CNTN1: variants seen among roughly 807,000 people sequenced by gnomAD.
CNTN1 encodes the protein contactin-1.
CNTN1 carries 38 observed loss-of-function variants against 126.4 expected under a neutral mutation model. The ratio of observed to expected loss-of-function variants is 0.30; its 90% CI spans 0.23 to 0.39. The LOEUF is 0.39. Ranked by LOEUF, CNTN1 falls within the 10% of genes least tolerant of loss-of-function variation. The probability of loss-of-function intolerance (pLI) is 1.00; values close to 1 mark genes in which losing one functional copy is unlikely to be tolerated. For missense variants in CNTN1, 1,009 were observed against 1,248.4 expected (o/e 0.81, Z 2.89); for synonymous variants, 413 against 422.6 (o/e 0.98, Z 0.28).
chr12:41,001,270 T>C (rs1271660766), intron 17 of CNTN1, among the ~76,000 whole-genome samples: 2 of 152,196 alleles, frequency 1.3e-5, no homozygotes, highest in Non-Finnish European at 2.9e-5. Context: ...GCATCTGTTA[T>C]TTTTTGACTT....
chr12:41,016,975 G>A (rs1434547649), intron 19 of CNTN1, 59 bp downstream of exon 19: 3 of 1,414,724 alleles, frequency 2.1e-6, no homozygotes, highest in East Asian at 2.3e-5. Context: ...TTCTCTAGCA[G>A]GCATTTAGTT....
At chr12:40,758,665 C>T (rs945703418) in intron 1 of CNTN1, among the ~76,000 whole-genome samples, 10 of 152,026 alleles carry the variant, frequency 6.6e-5, no homozygotes, top group African/African-American at 2.4e-4. Context: ...TGAACTGCTA[C>T]ACATACATAA....
intron 17 of CNTN1, among the ~76,000 whole-genome samples, chr12:41,013,325 C>G (rs933395377): frequency 1.2e-4 from 19 of 152,074 alleles, no homozygotes; most frequent in Non-Finnish European, 2.9e-5. Context: ...CGGCATTCAC[C>G]CGTTCAAGCT....
intron 1 of CNTN1, among the ~76,000 whole-genome samples, chr12:40,849,567 G>A (rs910113366): frequency 1.3e-5 from 2 of 151,970 alleles, no homozygotes; most frequent in Non-Finnish European, 1.5e-5. Flanking sequence ...AGAAACAAAG[G>A]TAACTGTGCT....
chr12:40,899,279 C>A (rs1414186627), intron 1 of CNTN1, among the ~76,000 whole-genome samples: 1 of 152,102 alleles, frequency 6.6e-6, no homozygotes, highest in African/African-American at 2.4e-5. Context: ...AGTAGTCTAC[C>A]AATCTCAGAT....
chr12:40,982,622 A>G (rs949505747), intron 16 of CNTN1, among the ~76,000 whole-genome samples: 2 of 152,266 alleles, frequency 1.3e-5, no homozygotes, highest in Middle Eastern at 3.4e-3. Flanking sequence ...TTCATTAAAC[A>G]TGTTTATTGA....
intron 1 of CNTN1, among the ~76,000 whole-genome samples, chr12:40,713,594 C>G (rs1314453939): frequency 6.6e-6 from 1 of 151,750 alleles, no homozygotes; most frequent in African/African-American, 2.4e-5. Context: ...TAAATGCCCC[C>G]CACACACCAT....
chr12:40,694,905 G>A (rs577383930), intron 1 of CNTN1, among the ~76,000 whole-genome samples: 10 of 152,220 alleles, frequency 6.6e-5, no homozygotes, highest in South Asian at 4.2e-4. Flanking sequence ...GGGGATGGGC[G>A]CATAGTGGGT....
At chr12:40,695,825 A>G (rs1006661746) in intron 1 of CNTN1, among the ~76,000 whole-genome samples, 1 of 152,136 alleles carries the variant, frequency 6.6e-6, no homozygotes, top group Non-Finnish European at 1.5e-5. Context: ...TCTAGCTTTC[A>G]AGCAAATCCC....
At chr12:40,952,316 AAAG>A (rs1946719783) in intron 14 of CNTN1, among the ~76,000 whole-genome samples, 1 of 152,140 alleles carries the variant, frequency 6.6e-6, no homozygotes, top group Admixed American at 6.6e-5. Context: ...TCAGAAGTGA[AAAG>A]GAGATAGTCC....
At chr12:41,047,019 T>G (rs944418103) in intron 23 of CNTN1, among the ~76,000 whole-genome samples, 7 of 151,978 alleles carry the variant, frequency 4.6e-5, no homozygotes, top group African/African-American at 1.7e-4. Context: ...TAAATATAAC[T>G]GTTCACATTT....
At position 41,041,413 on chromosome 12, in the gene CNTN1, G is replaced by A. The variant is rs191525004; in HGVS notation, c.2980+12194G>A. Among the ~76,000 whole-genome samples, 455 of 152,246 alleles carry A rather than the reference G, an allele frequency of 3.0e-3. 1 individual carries two copies. The highest frequency in any genetic ancestry group is 0.01 in the African/African-American group (436 of 41,562). On this transcript the variant is annotated intron_variant, in intron 23 of 23. Coordinates refer to ENST00000551295, the MANE Select transcript of CNTN1 (RefSeq NM_001843.4). ...TGTCTCTGCCCGGCTTTGGTATCAG[G>A]ATGATGCCGGCCTCATAAAATGAGT...
At chr12:40,756,007 G>A (rs1447977570) in intron 1 of CNTN1, among the ~76,000 whole-genome samples, 1 of 152,084 alleles carries the variant, frequency 6.6e-6, no homozygotes, top group Non-Finnish European at 1.5e-5. Flanking sequence ...TGATTATATG[G>A]TGTGTTTTGT....
intron 1 of CNTN1, among the ~76,000 whole-genome samples, chr12:40,805,849 T>G (rs1940834527): frequency 1.3e-5 from 2 of 152,048 alleles, no homozygotes; most frequent in Admixed American, 6.6e-5. Context: ...GAGATCTGAA[T>G]TTTTAGTTTT....
intron 17 of CNTN1, among the ~76,000 whole-genome samples, chr12:41,013,066 G>C (rs1948701005): frequency 2.0e-5 from 3 of 152,134 alleles, no homozygotes; most frequent in African/African-American, 7.2e-5. Context: ...GGCGTTGAAT[G>C]CGCTGGATTT....
chr12:40,712,044 A>C (rs1941926572), intron 1 of CNTN1, among the ~76,000 whole-genome samples: 2 of 152,096 alleles, frequency 1.3e-5, no homozygotes, highest in African/African-American at 2.4e-5. Flanking sequence ...ACATTCATCT[A>C]TGCTTACTTC....
At chr12:40,884,232 T>C (rs1181209353) in intron 1 of CNTN1, among the ~76,000 whole-genome samples, 1 of 151,584 alleles carries the variant, frequency 6.6e-6, no homozygotes, top group African/African-American at 2.4e-5. Flanking sequence ...ACCCATTTTT[T>C]TCTTTTTCCT....
At chr12:40,974,047 C>A (rs545715813) in intron 15 of CNTN1, among the ~76,000 whole-genome samples, 1 of 152,096 alleles carries the variant, frequency 6.6e-6, no homozygotes, top group African/African-American at 2.4e-5. Context: ...AATGTTACTA[C>A]ATTTTTAAAG....
intron 2 of CNTN1, among the ~76,000 whole-genome samples, chr12:40,909,214 A>G (rs945541617): frequency 2.6e-5 from 4 of 152,018 alleles, no homozygotes; most frequent in African/African-American, 9.7e-5. Flanking sequence ...TCATTTTAGG[A>G]CAAAGAAATA....
Sources: allele counts gnomAD v4.1 joint callset (sites outside exome capture counted in the v4.1 genomes callset), GRCh38; gene constraint gnomAD v4.1.1; transcripts MANE v1.5; gene names NCBI Gene and HGNC (gene_info 2026-07-23, HGNC 2026-07-21).